Variants in LMBRD1 observed in about 807,000 individuals in gnomAD.
LMBRD1 encodes lysosomal cobalamin transport escort protein LMBD1.
Under a neutral mutation model 74.8 loss-of-function variants are expected in LMBRD1, and 64 were observed. The observed-to-expected ratio is 0.86, with a 90% CI of 0.70 to 1.05. The LOEUF (loss-of-function observed/expected upper bound fraction) is 1.05. LMBRD1 is among the 50% of genes least tolerant of loss of function. LMBRD1 has a pLI of 0.00. For synonymous variants in LMBRD1, 204 were observed against 216.3 expected (o/e 0.94, Z 0.50); for missense variants, 652 against 645.9 (o/e 1.01, Z -0.10).
intron 7 of LMBRD1, among the ~76,000 whole-genome samples, chr6:69,722,933 C>A (rs192511604): frequency 6.6e-6 from 1 of 152,196 alleles, no homozygotes; most frequent in Admixed American, 6.5e-5. Flanking sequence ...TGATCTGTTG[C>A]CTACAAGAAA....
chr6:69,717,158 A>C (rs1766510008), intron 8 of LMBRD1, among the ~76,000 whole-genome samples: 2 of 152,048 alleles, frequency 1.3e-5, no homozygotes, highest in African/African-American at 4.8e-5. Flanking sequence ...CTTCCAACTA[A>C]TTAATGATTT....
intron 14 of LMBRD1, among the ~76,000 whole-genome samples, chr6:69,694,746 C>T (rs1374525714): frequency 6.6e-6 from 1 of 152,134 alleles, no homozygotes; most frequent in African/African-American, 2.4e-5. Flanking sequence ...CCCAAACAAC[C>T]TAAGAACTGA....
At chr6:69,754,007 CA>C (rs1458329232) in intron 3 of LMBRD1, among the ~76,000 whole-genome samples, 1 of 151,620 alleles carries the variant, frequency 6.6e-6, no homozygotes, top group African/African-American at 2.4e-5. Context: ...TTAGCATAAC[CA>C]GGACATTACG....
chr6:69,733,428 C>T (rs192738710), intron 7 of LMBRD1, among the ~76,000 whole-genome samples: 100 of 152,212 alleles, frequency 6.6e-4, no homozygotes, highest in Non-Finnish European at 9.0e-4. Flanking sequence ...TACAATAAAA[C>T]CACATATCTA....
chr6:69,770,815 AG>A (rs1562120022), intron 3 of LMBRD1, among the ~76,000 whole-genome samples: 1 of 152,176 alleles, frequency 6.6e-6, no homozygotes, highest in Non-Finnish European at 1.5e-5. Context: ...ATGTAATTAA[AG>A]GCTGTAAAGA....
intron 7 of LMBRD1, among the ~76,000 whole-genome samples, chr6:69,731,252 A>G (rs1262453933): frequency 6.6e-6 from 1 of 152,122 alleles, no homozygotes; most frequent in Non-Finnish European, 1.5e-5. Flanking sequence ...TCAATAGATC[A>G]GTAGGGTGAC....
At chr6:69,742,371 T>G (rs565766039) in intron 5 of LMBRD1, among the ~76,000 whole-genome samples, 1 of 152,298 alleles carries the variant, frequency 6.6e-6, no homozygotes, top group Admixed American at 6.5e-5. Context: ...TCTATTAATA[T>G]ATCTTTCAAG....
chr6:69,678,472 T>C (rs1765593171), intron 14 of LMBRD1, among the ~76,000 whole-genome samples: 1 of 152,124 alleles, frequency 6.6e-6, no homozygotes, highest in African/African-American at 2.4e-5. Flanking sequence ...CAGTTCAAAC[T>C]TGTGTTGTTC....
Position 69,705,793 on chromosome 6 carries a change from G to A in LMBRD1, c.916-3840C>T, listed in dbSNP as rs140083823. 1.1e-4 allele frequency: 127 copies of A among 1,176,470 alleles called. No homozygotes were observed. In the African/African-American group the frequency reaches 1.8e-3, roughly 16 times the overall value. The allele number at this position is 1,176,470 out of a possible 1,614,324, so 72.9% of individuals were successfully genotyped here. A position where few individuals can be genotyped will look rare whatever the true frequency, so the allele number is the denominator to read the frequency against. Reference sequence around the variant, plus strand: ...TCCTCCTCCTCTTCATCTACTGACTGCATCTTCCTCCACTGCTACTAAATG... The same window carrying A: ...TCCTCCTCCTCTTCATCTACTGACTACATCTTCCTCCACTGCTACTAAATG... On this transcript the variant is annotated intron_variant, in intron 9 of 15. Transcript: ENST00000649934.
intron 14 of LMBRD1, among the ~76,000 whole-genome samples, chr6:69,683,024 T>C (rs1248501057): frequency 6.6e-6 from 1 of 151,796 alleles, no homozygotes; most frequent in African/African-American, 2.4e-5. Flanking sequence ...GTGTAGATAC[T>C]GGAGAACTTA....
rs1223699820 is a variant in LMBRD1 at position 69,766,030 on chromosome 6, C to A, written c.308-13674G>T. ...ATTTTCTACCTATAGAATCTTATAT[C>A]ACCTGTGAAAGTAAGACAGTAATAA... On this transcript the variant is annotated intron_variant, in intron 3 of 15. Transcript: ENST00000649934. Among the ~76,000 whole-genome samples the A allele has an allele frequency of 2.6e-5, 4 of 151,836 alleles. No individual in the cohort carries two copies. In the East Asian group the frequency reaches 7.7e-4, roughly 29 times the overall value.
chr6:69,760,099 A>G (rs1456359810), intron 3 of LMBRD1, among the ~76,000 whole-genome samples: 1 of 152,174 alleles, frequency 6.6e-6, no homozygotes, highest in African/African-American at 2.4e-5. Flanking sequence ...ATTATCTACC[A>G]TACTGAAGAT....
At chr6:69,730,239 C>A (rs916862944) in intron 7 of LMBRD1, among the ~76,000 whole-genome samples, 1 of 152,024 alleles carries the variant, frequency 6.6e-6, no homozygotes, top group Non-Finnish European at 1.5e-5. Flanking sequence ...TAGAAGGGCA[C>A]GTTTTCTTTA....
chr6:69,700,614 C>A, intron 12 of LMBRD1, 151 bp downstream of exon 12: 1 of 515,986 alleles, frequency 1.9e-6, no homozygotes, highest in Non-Finnish European at 3.1e-6. Context: ...ATAAAAAGTA[C>A]TTTTATGTCA....
At position 69,705,018 on chromosome 6, in the gene LMBRD1, C is replaced by T. The variant is rs555672597; in HGVS notation, c.916-3065G>A. Reference sequence around the variant, plus strand: ...ATTTCACATGCATATTTTTGTCTCCCCACCATTTCCATGTCTGACCACCAC... The same window carrying T: ...ATTTCACATGCATATTTTTGTCTCCTCACCATTTCCATGTCTGACCACCAC... On this transcript the variant is annotated intron_variant, in intron 9 of 15. Transcript: ENST00000649934. Among the ~76,000 whole-genome samples the T allele has an allele frequency of 2.0e-5, 3 of 151,442 alleles. No homozygotes were observed. In the East Asian group the frequency reaches 5.8e-4, roughly 29 times the overall value.
intron 3 of LMBRD1, among the ~76,000 whole-genome samples, chr6:69,766,696 T>C (rs1765480447): frequency 6.6e-6 from 1 of 151,712 alleles, no homozygotes; most frequent in South Asian, 2.1e-4. Flanking sequence ...CTCTATTTCC[T>C]AAAAAGGTTG....
At chr6:69,719,813 G>C (rs185457893) in intron 7 of LMBRD1, among the ~76,000 whole-genome samples, 1 of 152,272 alleles carries the variant, frequency 6.6e-6, no homozygotes, top group Non-Finnish European at 1.5e-5. Context: ...AACAAACTCT[G>C]AAGTGGATAC....
At chr6:69,745,369 C>T (rs2149873543) in intron 5 of LMBRD1, among the ~76,000 whole-genome samples, 1 of 151,606 alleles carries the variant, frequency 6.6e-6, no homozygotes, top group Middle Eastern at 3.4e-3. Flanking sequence ...CGCCATTCTC[C>T]TGCCTCAGCC....
At chr6:69,731,956 TCTCA>T (rs1164976291) in intron 7 of LMBRD1, among the ~76,000 whole-genome samples, 1 of 152,062 alleles carries the variant, frequency 6.6e-6, no homozygotes, top group Non-Finnish European at 1.5e-5. Flanking sequence ...ATCCAACAAA[TCTCA>T]CTCACTAAAT....
Sources: allele counts gnomAD v4.1 joint callset (sites outside exome capture counted in the v4.1 genomes callset), GRCh38; gene constraint gnomAD v4.1.1; transcripts MANE v1.5; gene names NCBI Gene and HGNC (gene_info 2026-07-23, HGNC 2026-07-21).